Variants in CMTM4 observed in about 807,000 individuals in gnomAD.
The protein encoded by CMTM4 is CKLF like MARVEL transmembrane domain containing 4.
Under a neutral mutation model 19.0 loss-of-function variants are expected in CMTM4, and 8 were observed. The observed-to-expected ratio is 0.42, with a 90% CI of 0.25 to 0.76. CMTM4 has a LOEUF of 0.76. Ranked by LOEUF, CMTM4 falls within the 30% of genes least tolerant of loss-of-function variation. CMTM4 has a pLI of 0.27. For missense variants in CMTM4, 228 were observed against 290.2 expected (o/e 0.79, Z 1.56); for synonymous variants, 106 against 121.1 (o/e 0.88, Z 0.82).
At chr16:66,686,490 AG>A (rs1305563630) in intron 1 of CMTM4, among the ~76,000 whole-genome samples, 1 of 147,456 alleles carries the variant, frequency 6.8e-6, no homozygotes, top group Non-Finnish European at 1.5e-5. Flanking sequence ...TGGAGGTTGC[AG>A]TGAGCCAAGA....
intron 2 of CMTM4, among the ~76,000 whole-genome samples, chr16:66,631,289 G>A (rs1255094403): frequency 1.8e-4 from 26 of 148,522 alleles, no homozygotes; most frequent in African/African-American, 1.2e-4. Flanking sequence ...CCGGCCAGCC[G>A]CCCGGTCCGG....
At chr16:66,598,263 G>C in the CMTM4 span, among the ~76,000 whole-genome samples, 1 of 152,106 alleles carries the variant, frequency 6.6e-6, no homozygotes, top group African/African-American at 2.4e-5. Flanking sequence ...CAGGCTCTGG[G>C]CTGGGGCTGG....
intron 2 of CMTM4, among the ~76,000 whole-genome samples, chr16:66,630,313 T>TCCCCCC (rs2015826341): frequency 7.8e-5 from 1 of 12,872 alleles, no homozygotes; most frequent in Non-Finnish European, 1.5e-4. Context: ...CCCCTCACCC[T>TCCCCCC]CCCCCTCCCC....
At chr16:66,682,822 T>C (rs1313738914) in intron 1 of CMTM4, among the ~76,000 whole-genome samples, 1 of 152,110 alleles carries the variant, frequency 6.6e-6, no homozygotes, top group Non-Finnish European at 1.5e-5. Flanking sequence ...GATACTTGCT[T>C]GACAGATACA....
At chr16:66,673,149 G>C (rs542515876) in intron 1 of CMTM4, among the ~76,000 whole-genome samples, 3 of 133,556 alleles carry the variant, frequency 2.2e-5, no homozygotes, top group East Asian at 4.4e-4. Context: ...GGTCTAAAGT[G>C]ATCCTCCCAC....
intron 1 of CMTM4, among the ~76,000 whole-genome samples, chr16:66,679,680 C>A (rs548685176): frequency 2.0e-5 from 3 of 151,816 alleles, no homozygotes; most frequent in Non-Finnish European, 4.4e-5. Flanking sequence ...AAAAATCAGC[C>A]GGGCGTGGTG....
chr16:66,640,291 T>G (rs1490338534), intron 1 of CMTM4, among the ~76,000 whole-genome samples: 1 of 152,054 alleles, frequency 6.6e-6, no homozygotes, highest in Non-Finnish European at 1.5e-5. Flanking sequence ...GGTGATAGAG[T>G]GAGACTCTGT....
chr16:66,650,197 T>C (rs2016285003), intron 1 of CMTM4, among the ~76,000 whole-genome samples: 1 of 152,126 alleles, frequency 6.6e-6, no homozygotes, highest in Non-Finnish European at 1.5e-5. Flanking sequence ...TTTCAAGATG[T>C]GTTCCTTGGT....
At chr16:66,610,157 C>A, downstream of CMTM4, 1 of 939,270 alleles carries the variant, frequency 1.1e-6, no homozygotes, top group Non-Finnish European at 1.6e-6. The surrounding 1 kb of genome is among the most constrained non-coding windows in gnomAD (Gnocchi z 4.6). Flanking sequence ...CCTCATGCAG[C>A]ACTGATCCAA....
At chr16:66,670,053 C>A (rs1487608170) in intron 1 of CMTM4, among the ~76,000 whole-genome samples, 2 of 152,072 alleles carry the variant, frequency 1.3e-5, no homozygotes, top group East Asian at 3.9e-4. Flanking sequence ...AAAATGGCAG[C>A]CAAAACAAAA....
downstream of CMTM4, chr16:66,613,263 C>A: frequency 1.6e-6 from 1 of 639,426 alleles, no homozygotes; most frequent in Admixed American, 2.4e-5. Flanking sequence ...GAAACCATGT[C>A]TTCTGGGGGT....
At chr16:66,629,604 C>A (rs1462177660) in intron 2 of CMTM4, among the ~76,000 whole-genome samples, 1 of 152,092 alleles carries the variant, frequency 6.6e-6, no homozygotes, top group Non-Finnish European at 1.5e-5. Flanking sequence ...TTCAATCATA[C>A]CCGAGTTTAT....
At position 66,620,687 on chromosome 16, in the gene CMTM4, G is replaced by A; in HGVS notation, c.*1371C>T. The A allele has an allele frequency of 1.0e-6, 1 of 985,696 alleles. No homozygotes were observed. Among genetic ancestry groups the A allele is most frequent in the South Asian group, 4.7e-5 (1 of 21,274 alleles). 61.1% of individuals were successfully genotyped at this position (985,696 alleles called of 1,614,324 possible). A position where few individuals can be genotyped will look rare whatever the true frequency, so the allele number is the denominator to read the frequency against. On this transcript the variant is annotated 3_prime_UTR_variant, in exon 4 of 4. Transcript: ENST00000394106. ...CTCCATGTTACTGCAAAATCTTCCT[G>A]CCACAGTAAGTGCTTTTTGGTGAGG...
intron 2 of CMTM4, among the ~76,000 whole-genome samples, chr16:66,626,103 T>C (rs2015732792): frequency 6.6e-6 from 1 of 152,120 alleles, no homozygotes; most frequent in Non-Finnish European, 1.5e-5. Flanking sequence ...CTCTACAGGA[T>C]AAATGACCCA....
In CMTM4 at chr16:66,617,565, C is replaced by A; in HGVS notation, c.*4493G>T. The A allele has an allele frequency of 7.6e-7, 1 of 1,312,874 alleles. No individual in the cohort carries two copies. The highest frequency in any genetic ancestry group is 3.1e-5 in the East Asian group (1 of 32,456). 81.3% of individuals were successfully genotyped at this position (1,312,874 alleles called of 1,614,324 possible). A position where few individuals can be genotyped will look rare whatever the true frequency, so the allele number is the denominator to read the frequency against. ...TTTTTCTAGACCTAACAGATATTGACGGTATTTTCTCTCACAGTTTCTAAA... is the reference window on the plus strand; with the variant it reads ...TTTTTCTAGACCTAACAGATATTGAAGGTATTTTCTCTCACAGTTTCTAAA... On this transcript the variant is annotated 3_prime_UTR_variant, in exon 4 of 4. Transcript: ENST00000394106.
intron 1 of CMTM4, among the ~76,000 whole-genome samples, chr16:66,637,103 G>T (rs1355222692): frequency 6.6e-6 from 1 of 152,200 alleles, no homozygotes; most frequent in Non-Finnish European, 1.5e-5. Flanking sequence ...TTAAAACAAT[G>T]ATTGGTATAA....
chr16:66,684,999 C>T (rs1271072344), intron 1 of CMTM4, among the ~76,000 whole-genome samples: 2 of 152,200 alleles, frequency 1.3e-5, no homozygotes, highest in Non-Finnish European at 2.9e-5. Context: ...CTCTTGTACA[C>T]ACAGCCTGTT....
chr16:66,610,444 C>T (rs934692686), downstream of CMTM4, among the ~76,000 whole-genome samples: 9 of 152,112 alleles, frequency 5.9e-5, no homozygotes, highest in Non-Finnish European at 1.2e-4. The surrounding 1 kb of genome is among the most constrained non-coding windows in gnomAD (Gnocchi z 4.6). Flanking sequence ...TGATGTGTCC[C>T]GTACCAGGGG....
intron 1 of CMTM4, among the ~76,000 whole-genome samples, chr16:66,681,393 T>C (rs1197201115): frequency 6.6e-6 from 1 of 152,026 alleles, no homozygotes; most frequent in African/African-American, 2.4e-5. Context: ...CTTGGCTCAC[T>C]GCAAGCTCCA....
Sources: gnomAD v4.1 joint callset for allele counts (sites outside exome capture counted in the v4.1 genomes callset) on GRCh38, gnomAD v4.1.1 for gene constraint, Gnocchi (gnomAD v3.1) non-coding constraint, MANE v1.5 for transcripts, NCBI Gene and HGNC (gene_info 2026-07-23, HGNC 2026-07-21) for gene names.